Variants in CREBZF observed in about 807,000 individuals in gnomAD.
CREBZF encodes the protein HCF-binding transcription factor Zhangfei.
CREBZF carries 8 observed loss-of-function variants against 21.1 expected under a neutral mutation model. That is an observed-to-expected ratio of 0.38 (90% confidence interval 0.22 to 0.68). The LOEUF is 0.68. Among genes scored for constraint, CREBZF ranks in the 30% least tolerant of loss-of-function variants. The pLI is 0.51. For missense variants in CREBZF, 518 were observed against 484.3 expected (o/e 1.07, Z -0.65); for synonymous variants, 270 against 223.3 (o/e 1.21, Z -1.86).
At chr11:85,673,436 TCTA>T (rs200556900) in intron 1 of CREBZF, among the ~76,000 whole-genome samples, 2,579 of 152,332 alleles carry the variant, frequency 0.017, 26 homozygotes, top group Non-Finnish European at 0.026. Context: ...TATACTGTAG[TCTA>T]CTGAGTGTGC....
chr11:85,662,499 C>G lies in CREBZF; in HGVS notation c.*1312G>C. 2 of 704,686 alleles carry G rather than the reference C, an allele frequency of 2.8e-6. No homozygotes were observed. Among genetic ancestry groups the G allele is most frequent in the South Asian group, 3.0e-5 (2 of 66,216 alleles). The allele number at this position is 704,686 out of a possible 1,614,324, so 43.7% of individuals were successfully genotyped here. A position where few individuals can be genotyped will look rare whatever the true frequency, so the allele number is the denominator to read the frequency against. On this transcript the variant is annotated 3_prime_UTR_variant, in exon 1 of 1. Transcript: ENST00000527447. ...AACAAGGATGCTAAATACGTATATACTTTATCAAGCAGTGATGTTTCACAA... is the reference window on the plus strand; with the variant it reads ...AACAAGGATGCTAAATACGTATATAGTTTATCAAGCAGTGATGTTTCACAA...
In CREBZF at chr11:85,662,597, G is replaced by T; in HGVS notation, c.*1214C>A. On this transcript the variant is annotated 3_prime_UTR_variant, in exon 1 of 1. Transcript: ENST00000527447. ...ATACAACTGGTTAATAGATTCAAGG[G>T]AATAAATCCCACCTTAGGAAAATAG... The T allele has an allele frequency of 1.9e-6, 1 of 517,600 alleles. No homozygotes were observed. 32.1% of individuals were successfully genotyped at this position (517,600 alleles called of 1,614,324 possible).
chr11:85,658,334 G>A lies in CREBZF; in HGVS notation c.*5477C>T, dbSNP rs1436890326. ...CTAGCATAATACCATTTATAAATGA[G>A]GATGAGTTTACAATGGTTTCTGTAA... is the stretch of plus-strand genomic sequence containing the variant. On this transcript the variant is annotated 3_prime_UTR_variant, in exon 1 of 1. Coordinates refer to ENST00000527447, the MANE Select transcript of CREBZF (RefSeq NM_001039618.4). 7.2e-5 allele frequency among the ~76,000 whole-genome samples: 11 copies of A among 151,970 alleles called. No individual in the cohort carries two copies.
chr11:85,669,367 GA>G (rs1565813211), upstream of CREBZF, among the ~76,000 whole-genome samples: 1 of 151,310 alleles, frequency 6.6e-6, no homozygotes, highest in African/African-American at 2.4e-5. Context: ...AGAATTGCAA[GA>G]CCAAAGCAAG....
rs1364396264 is a variant in CREBZF, at chr11:85,659,130, A to G, written c.*4681T>C. On this transcript the variant is annotated 3_prime_UTR_variant, in exon 1 of 1. Transcript: ENST00000527447. ...AAAAACAGCTCAGAAAAACAGCAAA[A>G]ATATTAACATTTAGGAGTCTCAAAA... Among the ~76,000 whole-genome samples, 2 of 152,048 alleles carry G rather than the reference A, an allele frequency of 1.3e-5. No individual in the cohort carries two copies. The highest frequency in any genetic ancestry group is 4.8e-5 in the African/African-American group (2 of 41,438).
At chr11:85,671,625 G>A (rs530386460) in intron 1 of CREBZF, among the ~76,000 whole-genome samples, 2 of 152,268 alleles carry the variant, frequency 1.3e-5, no homozygotes, top group East Asian at 3.9e-4. Flanking sequence ...AAAACAAAGG[G>A]GCTACAGGCC....
At position 85,664,661 on chromosome 11, in the gene CREBZF, C is replaced by A. The variant is rs753071821; in HGVS notation, c.215G>T (p.Gly72Val). Reference protein sequence around the residue: ...ELEAGRGSRGGVAVRAPSPEE... With the variant: ...ELEAGRGSRGVVAVRAPSPEE... Reference sequence around the variant, plus strand: ...GGGGGAGGGCGCGCGCACGGCCACGCCGCCGCGGCTCCCCCTCCCGGCTTC... The same window carrying A: ...GGGGGAGGGCGCGCGCACGGCCACGACGCCGCGGCTCCCCCTCCCGGCTTC... The change falls in exon 1 of 1, where the codon GGC (glycine) becomes GTC (valine). Residue 72 changes from glycine (G) to valine (V), a missense_variant. Around this residue, in one of 3 missense-constraint regions of CREBZF, gnomAD observed 396 missense variants for 324.4 expected, o/e 1.22. Coordinates refer to ENST00000527447, the MANE Select transcript of CREBZF (RefSeq NM_001039618.4). The surrounding 1 kb of genome is among the most constrained non-coding windows in gnomAD (Gnocchi z 5.5). 3.7e-6 allele frequency: 6 copies of A among 1,604,262 alleles called. No homozygotes were observed. In the African/African-American group the frequency reaches 8.1e-5, roughly 22 times the overall value.
At chr11:85,673,216 T>C (rs2082923425) in intron 1 of CREBZF, among the ~76,000 whole-genome samples, 1 of 152,140 alleles carries the variant, frequency 6.6e-6, no homozygotes, top group Admixed American at 6.5e-5. Flanking sequence ...CCCATATACA[T>C]TTACTGGATT....
At chr11:85,679,187 T>TG (rs2082960376) in intron 1 of CREBZF, among the ~76,000 whole-genome samples, 1 of 152,238 alleles carries the variant, frequency 6.6e-6, no homozygotes, top group African/African-American at 2.4e-5. Flanking sequence ...TCCTCTTCTC[T>TG]TGGACAGTCT....
chr11:85,660,415 A>T lies in CREBZF; in HGVS notation c.*3396T>A, dbSNP rs976810058. On this transcript the variant is annotated 3_prime_UTR_variant, in exon 1 of 1. Transcript: ENST00000527447. The stretch of plus-strand genomic sequence containing the variant: ...TTCAAGGATTCCAGAGAATCTTTTC[A>T]TATCTCCATTTCTGGAAAGTGAAAT... The T allele has an allele frequency of 1.7e-5, 5 of 301,112 alleles. 1 individual carries two copies. The highest frequency in any genetic ancestry group is 3.3e-5 in the Non-Finnish European group (5 of 153,662). The allele number at this position is 301,112 out of a possible 1,614,324, so 18.7% of individuals were successfully genotyped here.
intron 1 of CREBZF, among the ~76,000 whole-genome samples, chr11:85,682,386 T>TC (rs2082981757): frequency 1.3e-5 from 2 of 152,314 alleles, no homozygotes; most frequent in Admixed American, 1.3e-4. Flanking sequence ...CTTTCTACTC[T>TC]CATTTCCCAC....
In CREBZF at chr11:85,660,741, AAAG is replaced by A. The variant is rs2082650032; in HGVS notation, c.*3067_*3069del. ...TGGACTTTTTAAGATAAGTCTGGTC[AAAG>A]AAGTGCAGAAACAGTAAGTCAATAT... On this transcript the variant is annotated 3_prime_UTR_variant, in exon 1 of 1. Coordinates refer to ENST00000527447, the MANE Select transcript of CREBZF (RefSeq NM_001039618.4). 1 of 350,262 alleles carries A rather than the reference AAAG, an allele frequency of 2.9e-6. No homozygotes were observed. Among genetic ancestry groups the A allele is most frequent in the African/African-American group, 2.2e-5 (1 of 45,310 alleles). The allele number at this position is 350,262 out of a possible 1,614,324, so 21.7% of individuals were successfully genotyped here.
chr11:85,660,238 A>C lies in CREBZF; in HGVS notation c.*3573T>G. On this transcript the variant is annotated 3_prime_UTR_variant, in exon 1 of 1. Transcript: ENST00000527447. ...CCATAGAATATGCTCTTGATTATGT[A>C]AAAACTCTAATTTCTTGATGAAATA... The C allele has an allele frequency of 5.9e-6, 1 of 170,480 alleles. No individual in the cohort carries two copies. Among genetic ancestry groups the C allele is most frequent in the Non-Finnish European group, 1.3e-5 (1 of 79,298 alleles). The allele number at this position is 170,480 out of a possible 1,614,324, so 10.6% of individuals were successfully genotyped here. A position where few individuals can be genotyped will look rare whatever the true frequency, so the allele number is the denominator to read the frequency against.
intron 1 of CREBZF, among the ~76,000 whole-genome samples, chr11:85,677,481 C>T (rs182854491): frequency 8.1e-4 from 123 of 152,310 alleles, no homozygotes; most frequent in African/African-American, 2.8e-3. Context: ...CACCCCCTTT[C>T]CCAAATGCCT....
rs2153315378 is a variant in CREBZF, at chr11:85,658,462, T to C, written c.*5349A>G. ...AAGCAATAAATCATGTTAAGTCTGT[T>C]GCTACAAATTTACTTTGCCAAAATT... On this transcript the variant is annotated 3_prime_UTR_variant, in exon 1 of 1. Transcript: ENST00000527447. Among the ~76,000 whole-genome samples the C allele has an allele frequency of 6.6e-6, 1 of 152,194 alleles. No homozygotes were observed. The highest frequency in any genetic ancestry group is 1.9e-4 in the East Asian group (1 of 5,188).
intron 1 of CREBZF, among the ~76,000 whole-genome samples, chr11:85,671,973 A>G (rs2082914652): frequency 6.6e-6 from 1 of 152,230 alleles, no homozygotes; most frequent in Non-Finnish European, 1.5e-5. Context: ...TCCCTTCCAC[A>G]CTGCCCTAGC....
In CREBZF at chr11:85,665,039, CGCCAAGGCGCGGGGAGG is replaced by C. The variant is rs1280022260; in HGVS notation, c.-181_-165del. 1 of 464,362 alleles carries C rather than the reference CGCCAAGGCGCGGGGAGG, an allele frequency of 2.2e-6. No individual in the cohort carries two copies. The highest frequency in any genetic ancestry group is 3.7e-6 in the Non-Finnish European group (1 of 271,072). 28.8% of individuals were successfully genotyped at this position (464,362 alleles called of 1,614,324 possible). On this transcript the variant is annotated 5_prime_UTR_variant, in exon 1 of 1. Coordinates refer to ENST00000527447, the MANE Select transcript of CREBZF (RefSeq NM_001039618.4). ...CCTCACTTGGCTAGTCGACCCCCCG[CGCCAAGGCGCGGGGAGG>C]GACGGGAGAACGAAGCGGTGAGGCC...
upstream of CREBZF, among the ~76,000 whole-genome samples, chr11:85,668,007 G>A (rs431606): frequency 0.42 from 63,931 of 151,438 alleles, 14,509 homozygotes; most frequent in African/African-American, 0.57. Context: ...TGAATAATCC[G>A]TACTTGTCCC....
Position 85,664,701 on chromosome 11 carries a change from C to T in CREBZF, c.175G>A (p.Asp59Asn), listed in dbSNP as rs765705718. 1.2e-5 allele frequency: 19 copies of T among 1,604,902 alleles called. No individual in the cohort carries two copies. Among genetic ancestry groups the T allele is most frequent in the Non-Finnish European group, 1.6e-5 (19 of 1,176,756 alleles). The change falls in exon 1 of 1, where the codon GAC becomes AAC. Residue 59 changes from aspartate (D) to asparagine (N), a missense_variant. Coordinates refer to ENST00000527447, the MANE Select transcript of CREBZF (RefSeq NM_001039618.4). This position sits in a 1 kb window ranked among gnomAD's most constrained non-coding sequence, Gnocchi z 5.5. ...CTCCCGGCTTCCAACTCTCCTTCGT[C>T]GCCAAACTGCTGCTTGCGGCCGGGA... Reference protein sequence around the residue: ...GSPGRKQQFGDEGELEAGRGS... With the variant: ...GSPGRKQQFGNEGELEAGRGS...
Sources: gnomAD v4.1 joint callset for allele counts (sites outside exome capture counted in the v4.1 genomes callset) on GRCh38, gnomAD v4.1.1 for gene constraint, gnomAD v4.1.1 regional missense constraint, Gnocchi (gnomAD v3.1) non-coding constraint, MANE v1.5 for transcripts, NCBI Gene and HGNC (gene_info 2026-07-23, HGNC 2026-07-21) for gene names.